The following BRD7 variants were observed in gnomAD, a reference collection of about 807,000 sequenced individuals.
The protein encoded by BRD7 is bromodomain containing 7.
In BRD7, 15 loss-of-function variants were observed where a neutral mutation model predicts 82.1. That is an observed-to-expected ratio of 0.18 (90% confidence interval 0.12 to 0.28). The LOEUF is 0.28. Among genes scored for constraint, BRD7 ranks in the 10% least tolerant of loss-of-function variants. BRD7 has a pLI of 1.00. For synonymous variants in BRD7, 232 were observed against 266.9 expected (o/e 0.87, Z 1.27); for missense variants, 638 against 779.9 (o/e 0.82, Z 2.17).
At position 50,325,254 on chromosome 16, in the gene BRD7, A is replaced by G. The variant is rs557187386; in HGVS notation, c.1331+494T>C. ...GATGATCTTCCCACAGAAACATGCA[A>G]TAAAGAATGGTTGAGTTTAACTGCA... On this transcript the variant is annotated intron_variant, in intron 11 of 16. Transcript: ENST00000394688. Among the ~76,000 whole-genome samples, 11 of 152,318 alleles carry G rather than the reference A, an allele frequency of 7.2e-5. No homozygotes were observed. In the East Asian group the frequency reaches 1.7e-3, roughly 24 times the overall value.
At chr16:50,357,895 C>T (rs1464592546) in intron 2 of BRD7, among the ~76,000 whole-genome samples, 2 of 151,804 alleles carry the variant, frequency 1.3e-5, no homozygotes, top group African/African-American at 2.4e-5. Context: ...GCAGGAGAAT[C>T]GCTTGAACCC....
intron 5 of BRD7, among the ~76,000 whole-genome samples, chr16:50,344,050 C>T (rs2038182328): frequency 6.6e-6 from 1 of 152,118 alleles, no homozygotes; most frequent in Non-Finnish European, 1.5e-5. Context: ...GCTGGGTGCC[C>T]CTCTGAGATG....
At chr16:50,322,328 A>C (rs2037155656) in intron 12 of BRD7, among the ~76,000 whole-genome samples, 1 of 152,236 alleles carries the variant, frequency 6.6e-6, no homozygotes, top group Admixed American at 6.5e-5. Context: ...AATAAATGGT[A>C]TCTGTTTTTA....
intron 5 of BRD7, among the ~76,000 whole-genome samples, chr16:50,341,942 A>T (rs1388514014): frequency 1.3e-5 from 2 of 149,776 alleles, no homozygotes; most frequent in Non-Finnish European, 1.5e-5. Flanking sequence ...ACACACACAC[A>T]CACACACACA....
rs553023926 is a variant in BRD7, at chr16:50,368,397, G to A, written c.50-99C>T. 3.8e-6 allele frequency: 5 copies of A among 1,329,954 alleles called. No homozygotes were observed. The East Asian group carries it at 9.7e-5, about 26-fold the overall frequency. The allele number at this position is 1,329,954 out of a possible 1,614,324, so 82.4% of individuals were successfully genotyped here. A position where few individuals can be genotyped will look rare whatever the true frequency, so the allele number is the denominator to read the frequency against. The stretch of plus-strand genomic sequence containing the variant: ...CAGAGCGCCAAGGCGCAGCAAGCCC[G>A]AGGCGGCTTTGGGCGCTCCGCGAAG... On this transcript the variant is annotated intron_variant, in intron 1 of 16. Coordinates refer to ENST00000394688, the MANE Select transcript of BRD7 (RefSeq NM_013263.5).
Position 50,354,529 on chromosome 16 carries a change from T to C in BRD7, c.389-47A>G, listed in dbSNP as rs773551636. On this transcript the variant is annotated intron_variant, in intron 3 of 16. Coordinates refer to ENST00000394688, the MANE Select transcript of BRD7 (RefSeq NM_013263.5). ...AAGGGTATTTTAAAAAGGAGTATTC[T>C]AGAGAGTATTATTTACTAGATCATT... is the stretch of plus-strand genomic sequence containing the variant. 7 of 1,477,220 alleles carry C rather than the reference T, an allele frequency of 4.7e-6. No homozygotes were observed. In the African/African-American group the frequency reaches 5.6e-5, roughly 12 times the overall value. 91.5% of individuals were successfully genotyped at this position (1,477,220 alleles called of 1,614,324 possible). A position where few individuals can be genotyped will look rare whatever the true frequency, so the allele number is the denominator to read the frequency against.
intron 2 of BRD7, among the ~76,000 whole-genome samples, chr16:50,366,193 A>G (rs964571186): frequency 6.6e-6 from 1 of 152,218 alleles, no homozygotes; most frequent in Non-Finnish European, 1.5e-5. Flanking sequence ...ACATGTTAGA[A>G]CTTATAAAAT....
intron 9 of BRD7, 142 bp downstream of exon 9, chr16:50,328,527 A>G: frequency 1.6e-6 from 1 of 607,238 alleles, no homozygotes. Flanking sequence ...TTACCATGAA[A>G]TACATGATGT....
chr16:50,326,167 G>C (rs976675675), intron 10 of BRD7, 117 bp downstream of exon 10: 5 of 822,878 alleles, frequency 6.1e-6, no homozygotes, highest in African/African-American at 5.2e-5. Context: ...AATTAATGTT[G>C]CAAAAATACC....
chr16:50,323,473 A>G (rs1469448483), intron 12 of BRD7, 114 bp downstream of exon 12: 8 of 881,200 alleles, frequency 9.1e-6, no homozygotes, highest in Non-Finnish European at 1.4e-5. Context: ...GCTGTCTTTC[A>G]GGGCCACAGA....
At chr16:50,338,895 A>G (rs923277927) in intron 6 of BRD7, among the ~76,000 whole-genome samples, 3 of 152,146 alleles carry the variant, frequency 2.0e-5, no homozygotes, top group Admixed American at 2.0e-4. Flanking sequence ...TTCGTTCCCT[A>G]AAGTAGTCTC....
chr16:50,349,540 T>G, intron 5 of BRD7: 1 of 469,324 alleles, frequency 2.1e-6, no homozygotes, highest in Non-Finnish European at 4.4e-6. Context: ...CTTGGGTCTC[T>G]CCAGCCATGT....
At position 50,351,476 on chromosome 16, in the gene BRD7, C is replaced by T. The variant is rs548400197; in HGVS notation, c.447-1309G>A. Among the ~76,000 whole-genome samples, 3 of 152,318 alleles carry T rather than the reference C, an allele frequency of 2.0e-5. No homozygotes were observed. The South Asian group carries it at 6.2e-4, about 32-fold the overall frequency. The stretch of plus-strand genomic sequence containing the variant: ...ACCCCTGGGTGGCCTCCTGCAGCTA[C>T]CCTTTGGAGGAAATTATCTAACTCC... On this transcript the variant is annotated intron_variant, in intron 4 of 16. Transcript: ENST00000394688.
At chr16:50,363,652 TGTGTGTGTGC>T (rs2039016352) in intron 2 of BRD7, among the ~76,000 whole-genome samples, 1 of 92,588 alleles carries the variant, frequency 1.1e-5, no homozygotes. Context: ...TGTGTGTGTG[TGTGTGTGTGC>T]GCGCGCGCGC....
At chr16:50,362,321 G>A (rs1352878825) in intron 2 of BRD7, among the ~76,000 whole-genome samples, 8 of 152,098 alleles carry the variant, frequency 5.3e-5, no homozygotes, top group Non-Finnish European at 1.2e-4. Flanking sequence ...ACCTCTTAAG[G>A]GCAGAATTTG....
chr16:50,328,303 AAC>A (rs1356330073), intron 9 of BRD7, among the ~76,000 whole-genome samples: 1 of 152,214 alleles, frequency 6.6e-6, no homozygotes, highest in Non-Finnish European at 1.5e-5. Context: ...CCCTGAAATA[AAC>A]AGTTAAATTT....
chr16:50,334,112 G>A (rs545488795), intron 7 of BRD7, among the ~76,000 whole-genome samples: 1 of 152,326 alleles, frequency 6.6e-6, no homozygotes, highest in Non-Finnish European at 1.5e-5. Context: ...CATTATGACA[G>A]CAAAAATCCC....
At position 50,354,466 on chromosome 16, in the gene BRD7, G is replaced by C; in HGVS notation, c.405C>G (p.Pro135=). 1 of 1,611,924 alleles carries C rather than the reference G, an allele frequency of 6.2e-7. No individual in the cohort carries two copies. Among genetic ancestry groups the C allele is most frequent in the Non-Finnish European group, 8.5e-7 (1 of 1,179,208 alleles). ...LAKQEEVEQT[P]LQEALNQLMR... The stretch of plus-strand genomic sequence containing the variant: ...TCAGTTGATTCAAAGCTTCTTGAAG[G>C]GGTGTCTGTTCTACTTCTAAAGCAA... Residue 135 remains proline, a synonymous_variant, in exon 4 of 17, where the codon CCC becomes CCG. Transcript: ENST00000394688.
intron 11 of BRD7, among the ~76,000 whole-genome samples, chr16:50,323,976 C>T (rs2037229081): frequency 6.6e-6 from 1 of 152,176 alleles, no homozygotes; most frequent in East Asian, 1.9e-4. Context: ...CCCTCACTTC[C>T]TGTCTGCAGT....
Sources: allele counts gnomAD v4.1 joint callset (sites outside exome capture counted in the v4.1 genomes callset), GRCh38; gene constraint gnomAD v4.1.1; transcripts MANE v1.5; gene names NCBI Gene and HGNC (gene_info 2026-07-23, HGNC 2026-07-21).